C5orf22: variants seen among roughly 807,000 people sequenced by gnomAD.
C5orf22 encodes UPF0489 protein C5orf22.
A neutral mutation model predicts 48.7 loss-of-function variants in C5orf22; 36 were observed. That is an observed-to-expected ratio of 0.74 (90% confidence interval 0.57 to 0.98). The LOEUF is 0.98. C5orf22 is among the 50% of genes least tolerant of loss of function. C5orf22 has a pLI of 0.00. For missense variants in C5orf22, 486 were observed against 521.9 expected, an observed-to-expected ratio of 0.93 and a Z score of 0.67; for synonymous variants, 141 against 180.8, an observed-to-expected ratio of 0.78 and a Z score of 1.76.
chr5:31,544,270 A>T (rs1302945895), intron 6 of C5orf22, among the ~76,000 whole-genome samples: 2 of 152,168 alleles, frequency 1.3e-5, no homozygotes, highest in Non-Finnish European at 2.9e-5. Context: ...CAAAAGGTCC[A>T]CCTAAACTTA....
chr5:31,540,848 T>G (rs1742406445), intron 4 of C5orf22, 101 bp from the exon 5 acceptor site: 2 of 809,590 alleles, frequency 2.5e-6, no homozygotes, highest in Non-Finnish European at 4.2e-6. Flanking sequence ...ATCTAAGATG[T>G]TCTTGTATCA....
chr5:31,538,298 T>G lies in C5orf22; in HGVS notation c.416T>G (p.Leu139Arg), dbSNP rs1355986447. 5.0e-6 allele frequency: 8 copies of G among 1,611,614 alleles called. No homozygotes were observed. The highest frequency in any genetic ancestry group is 5.9e-6 in the Non-Finnish European group (7 of 1,178,484). Residue 139 changes from leucine (L) to arginine (R), a missense_variant, in exon 4 of 9, where the codon CTG (leucine) becomes CGG (arginine). This residue lies in a region of C5orf22 where 408 missense variants were observed against 444.0 expected (regional missense o/e 0.92). Coordinates refer to ENST00000325366, the MANE Select transcript of C5orf22 (RefSeq NM_018356.3). ...GATCATTATTTCCTAAGTGATGGTC[T>G]GTATGTACCTGAAGACCAGCTAGAG... Reference protein sequence around the residue: ...STDHYFLSDGLYVPEDQLENQ... With the variant: ...STDHYFLSDGRYVPEDQLENQ...
At chr5:31,540,532 TTTG>T (rs969327508) in intron 4 of C5orf22, among the ~76,000 whole-genome samples, 1 of 152,202 alleles carries the variant, frequency 6.6e-6, no homozygotes, top group African/African-American at 2.4e-5. Flanking sequence ...TAGGGAGTTC[TTTG>T]TTGTTGTTAT....
chr5:31,534,245 C>G lies in C5orf22; in HGVS notation c.82-27C>G, dbSNP rs1436256425. On this transcript the variant is annotated intron_variant, in intron 1 of 8. Transcript: ENST00000325366. The stretch of plus-strand genomic sequence containing the variant: ...TGTGCTCATGGTTTCAGTGTTAATT[C>G]TTATTGTGTGCCTGTGTCTTTTACA... 10 of 1,595,200 alleles carry G rather than the reference C, an allele frequency of 6.3e-6. No individual in the cohort carries two copies. The East Asian group carries it at 2.0e-4, about 32-fold the overall frequency.
Position 31,541,261 on chromosome 5 carries a change from G to T in C5orf22, c.871-20G>T, listed in dbSNP as rs1404098268. 3 of 1,606,058 alleles carry T rather than the reference G, an allele frequency of 1.9e-6. No individual in the cohort carries two copies. The highest frequency in any genetic ancestry group is 2.6e-6 in the Non-Finnish European group (3 of 1,174,132). On this transcript the variant is annotated intron_variant, in intron 5 of 8. Transcript: ENST00000325366. ...TTGAAAGAATAACTATATAATCTCA[G>T]CTTTTCAATGTATTTAAAGGAAGAT...
At chr5:31,533,795 AG>A (rs113580401) in intron 1 of C5orf22, among the ~76,000 whole-genome samples, 6,803 of 152,188 alleles carry the variant, frequency 0.045, 457 homozygotes, top group African/African-American at 0.15. Flanking sequence ...CCAGCTACTC[AG>A]GAGACTGAGG....
chr5:31,540,401 T>C (rs1238648440), intron 4 of C5orf22, among the ~76,000 whole-genome samples: 1 of 152,202 alleles, frequency 6.6e-6, no homozygotes, highest in Non-Finnish European at 1.5e-5. Flanking sequence ...AGCAAGCCTC[T>C]TTCTCCCCTT....
rs1742239101 is a variant in C5orf22, at chr5:31,538,367, A to G, written c.485A>G (p.Tyr162Cys). The G allele has an allele frequency of 6.2e-7, 1 of 1,614,202 alleles. No individual in the cohort carries two copies. The highest frequency in any genetic ancestry group is 8.5e-7 in the Non-Finnish European group (1 of 1,180,024). The change falls in exon 4 of 9, where the codon TAT becomes TGT. Residue 162 changes from tyrosine to cysteine, a missense_variant. Transcript: ENST00000325366. ...TTGGATGTAATTATGGTAAAACCTT[A>G]TAAACTCTGTAACAATCAAGAAGAA... ...LQLDVIMVKP[Y>C]KLCNNQEEND... is the part of the protein sequence containing the mutation.
intron 7 of C5orf22, 91 bp from the exon 8 acceptor site, chr5:31,551,202 A>C: frequency 2.4e-6 from 3 of 1,250,444 alleles, no homozygotes; most frequent in Non-Finnish European, 3.4e-6. Flanking sequence ...TATCAATAAA[A>C]GTAAAGATTT....
chr5:31,542,467 C>CAAAAAAAAAAAAA lies in C5orf22; in HGVS notation c.992+1076_992+1077insAAAAAAAAAAAAA, dbSNP rs34647885. Among the ~76,000 whole-genome samples, 76 of 104,370 alleles carry CAAAAAAAAAAAAA rather than the reference C, an allele frequency of 7.3e-4. 2 individuals carry two copies. Among genetic ancestry groups the CAAAAAAAAAAAAA allele is most frequent in the African/African-American group, 2.2e-3 (62 of 28,602 alleles). The allele number at this position is 104,370 out of a possible 152,430, so 68.5% of individuals were successfully genotyped here. ...CTGGACTTTTTCTGAGACTCCGTCT[C>CAAAAAAAAAAAAA]AAAAAAAAAAAGCGAAAACTTAGCT... On this transcript the variant is annotated intron_variant, in intron 6 of 8. Transcript: ENST00000325366.
intron 7 of C5orf22, 29 bp from the exon 8 acceptor site, chr5:31,551,264 A>AGT: frequency 6.2e-7 from 1 of 1,608,368 alleles, no homozygotes; most frequent in Non-Finnish European, 8.5e-7. Context: ...ACTGTCATAC[A>AGT]GTGTAATTTT....
intron 4 of C5orf22, 110 bp from the exon 5 acceptor site, chr5:31,540,839 T>C: frequency 2.7e-6 from 2 of 754,322 alleles, no homozygotes; most frequent in South Asian, 1.6e-5. Context: ...TAAATAATTA[T>C]CTAAGATGTT....
Position 31,538,290 on chromosome 5 carries a change from T to G in C5orf22, c.408T>G (p.Ser136Arg). ...RVTSTDHYFLSDGLYVPEDQL... is the reference protein window; with the variant it reads ...RVTSTDHYFLRDGLYVPEDQL... ...CAAGTACAGATCATTATTTCCTAAG[T>G]GATGGTCTGTATGTACCTGAAGACC... is the stretch of plus-strand genomic sequence containing the variant. Residue 136 changes from serine to arginine, a missense_variant, in exon 4 of 9, where the codon AGT (serine) becomes AGG (arginine). By Grantham distance (110) the Ser-to-Arg change is moderately radical. This residue lies in a region of C5orf22 where 408 missense variants were observed against 444.0 expected (regional missense o/e 0.92). Coordinates refer to ENST00000325366, the MANE Select transcript of C5orf22 (RefSeq NM_018356.3). 6.2e-7 allele frequency: 1 copy of G among 1,606,930 alleles called. No individual in the cohort carries two copies. The highest frequency in any genetic ancestry group is 8.5e-7 in the Non-Finnish European group (1 of 1,175,748).
At chr5:31,544,656 G>A (rs1283343420) in intron 6 of C5orf22, among the ~76,000 whole-genome samples, 1 of 152,056 alleles carries the variant, frequency 6.6e-6, no homozygotes, top group Non-Finnish European at 1.5e-5. Flanking sequence ...GTATTTACTG[G>A]CTAGGCCTGG....
At chr5:31,537,531 T>A (rs1300201500) in intron 3 of C5orf22, among the ~76,000 whole-genome samples, 1 of 152,182 alleles carries the variant, frequency 6.6e-6, no homozygotes, top group African/African-American at 2.4e-5. Flanking sequence ...GGGAAATAAA[T>A]ATTAACCATG....
intron 7 of C5orf22, 71 bp from the exon 8 acceptor site, chr5:31,551,222 G>A (rs1349201701): frequency 3.5e-6 from 5 of 1,428,986 alleles, no homozygotes; most frequent in African/African-American, 1.4e-5. Flanking sequence ...TGTCAATAAG[G>A]CCATTAATGA....
intron 1 of C5orf22, 64 bp downstream of exon 1, chr5:31,532,537 A>T: frequency 7.2e-7 from 1 of 1,388,786 alleles, no homozygotes; most frequent in Non-Finnish European, 1.0e-6. Flanking sequence ...CAGAGGGCCA[A>T]GCAGAGGGCG....
chr5:31,534,707 G>A, intron 2 of C5orf22: 1 of 346,054 alleles, frequency 2.9e-6, no homozygotes, highest in Non-Finnish European at 5.4e-6. Flanking sequence ...CAGTAGCTGT[G>A]TTCCAATAAA....
chr5:31,552,668 C>A, intron 8 of C5orf22, 105 bp from the exon 9 acceptor site: 1 of 979,320 alleles, frequency 1.0e-6, no homozygotes, highest in Non-Finnish European at 1.5e-6. Context: ...AAGTTCAGCA[C>A]ACCTTAATTT....
Sources: allele counts gnomAD v4.1 joint callset (sites outside exome capture counted in the v4.1 genomes callset), GRCh38; gene constraint gnomAD v4.1.1; regional missense constraint gnomAD v4.1.1; transcripts MANE v1.5; gene names NCBI Gene and HGNC (gene_info 2026-07-23, HGNC 2026-07-21).